GPR39: variants seen among roughly 807,000 people sequenced by gnomAD.
The protein encoded by GPR39 is zinc sensing receptor.
A neutral mutation model predicts 18.4 loss-of-function variants in GPR39; 23 were observed. That is an observed-to-expected ratio of 1.25 (90% CI 0.90 to 1.77). The LOEUF is 1.77. Among genes scored for constraint, GPR39 ranks in the 40% most tolerant of loss-of-function variants. The pLI is 0.00. For missense variants in GPR39, 647 were observed against 602.4 expected, an observed-to-expected ratio of 1.07 and a Z score of -0.78; for synonymous variants, 280 against 257.9, an observed-to-expected ratio of 1.09 and a Z score of -0.82.
At chr2:132,641,980 C>G (rs940850013) in intron 1 of GPR39, among the ~76,000 whole-genome samples, 1 of 152,224 alleles carries the variant, frequency 6.6e-6, no homozygotes, top group African/African-American at 2.4e-5. Context: ...CTAACTTTCT[C>G]TGAGCCTGCA....
chr2:132,492,549 T>C (rs1156891320), intron 1 of GPR39, among the ~76,000 whole-genome samples: 8 of 133,482 alleles, frequency 6.0e-5, no homozygotes, highest in Admixed American at 1.7e-4. Context: ...ACCATATATA[T>C]ACACCATATA....
intron 1 of GPR39, among the ~76,000 whole-genome samples, chr2:132,501,703 T>C (rs1459810560): frequency 6.6e-6 from 1 of 152,196 alleles, no homozygotes; most frequent in Non-Finnish European, 1.5e-5. Context: ...ATTGTGTTGC[T>C]ATCTATCTCA....
chr2:132,442,824 G>A (rs1167357746), intron 1 of GPR39, among the ~76,000 whole-genome samples: 2 of 151,992 alleles, frequency 1.3e-5, no homozygotes, highest in Non-Finnish European at 2.9e-5. Flanking sequence ...ACTTGCACAT[G>A]GTGACTGAGG....
intron 1 of GPR39, among the ~76,000 whole-genome samples, chr2:132,628,873 A>T (rs981477168): frequency 6.6e-6 from 1 of 152,102 alleles, no homozygotes; most frequent in African/African-American, 2.4e-5. Context: ...TTTTCAATAA[A>T]CACATATTGA....
intron 1 of GPR39, among the ~76,000 whole-genome samples, chr2:132,625,775 C>A (rs569810977): frequency 6.6e-6 from 1 of 152,130 alleles, no homozygotes; most frequent in Non-Finnish European, 1.5e-5. Flanking sequence ...AACCTTCTGA[C>A]ATTTTATGAT....
At chr2:132,539,567 C>T (rs1376492757) in intron 1 of GPR39, among the ~76,000 whole-genome samples, 6 of 152,178 alleles carry the variant, frequency 3.9e-5, no homozygotes, top group South Asian at 2.1e-4. Context: ...GTTCTGGTTG[C>T]TTAGTGCTAC....
chr2:132,578,332 T>C (rs1400966751), intron 1 of GPR39, among the ~76,000 whole-genome samples: 1 of 152,180 alleles, frequency 6.6e-6, no homozygotes, highest in Non-Finnish European at 1.5e-5. Context: ...CATTGGTTTT[T>C]AGTTATATTT....
intron 1 of GPR39, among the ~76,000 whole-genome samples, chr2:132,449,438 G>A (rs1317394826): frequency 2.0e-5 from 3 of 152,080 alleles, no homozygotes; most frequent in Admixed American, 1.3e-4. Context: ...GTAGAGACAG[G>A]GTTTCACCGT....
At chr2:132,516,380 G>A (rs571326265) in intron 1 of GPR39, among the ~76,000 whole-genome samples, 1 of 152,306 alleles carries the variant, frequency 6.6e-6, no homozygotes, top group South Asian at 2.1e-4. Context: ...CCACAATATG[G>A]AATATGCACT....
At chr2:132,446,772 T>G (rs1680545109) in intron 1 of GPR39, among the ~76,000 whole-genome samples, 2 of 151,212 alleles carry the variant, frequency 1.3e-5, no homozygotes, top group East Asian at 3.9e-4. Flanking sequence ...TGGAGTGGAG[T>G]AGAGAGCAGG....
At chr2:132,559,544 C>T (rs188494508) in intron 1 of GPR39, among the ~76,000 whole-genome samples, 14 of 152,108 alleles carry the variant, frequency 9.2e-5, no homozygotes, top group African/African-American at 2.9e-4. Flanking sequence ...AACAGCGTGG[C>T]GCCCTGATGA....
intron 1 of GPR39, among the ~76,000 whole-genome samples, chr2:132,571,140 T>G (rs748146761): frequency 2.0e-5 from 3 of 152,228 alleles, no homozygotes; most frequent in Non-Finnish European, 4.4e-5. Flanking sequence ...ACCAGGTCCC[T>G]GGTTTAGTTT....
At chr2:132,443,042 C>T (rs577112941) in intron 1 of GPR39, among the ~76,000 whole-genome samples, 1 of 152,088 alleles carries the variant, frequency 6.6e-6, no homozygotes, top group East Asian at 1.9e-4. Flanking sequence ...GGAATATATT[C>T]AGTATAGTTA....
rs1028660239 is a variant in GPR39, at chr2:132,468,821, G to A, written c.856+50923G>A. Among the ~76,000 whole-genome samples, 53 of 152,290 alleles carry A rather than the reference G, an allele frequency of 3.5e-4. 1 individual carries two copies. Among genetic ancestry groups the A allele is most frequent in the Middle Eastern group, 6.8e-3 (2 of 294 alleles). ...GGTAGTGGCGATGGGCCTGGAAAAA[G>A]GGGACAGATGAGAGAGAGGAGGCAG... is the stretch of plus-strand genomic sequence containing the variant. On this transcript the variant is annotated intron_variant, in intron 1 of 1. Coordinates refer to ENST00000329321, the MANE Select transcript of GPR39 (RefSeq NM_001508.3).
At chr2:132,582,861 A>G (rs902295276) in intron 1 of GPR39, among the ~76,000 whole-genome samples, 3 of 152,064 alleles carry the variant, frequency 2.0e-5, no homozygotes, top group African/African-American at 7.2e-5. Flanking sequence ...AGTGATTCAC[A>G]ACAAGCATTG....
chr2:132,467,417 G>C (rs1221228865), intron 1 of GPR39, among the ~76,000 whole-genome samples: 2 of 152,142 alleles, frequency 1.3e-5, no homozygotes, highest in Non-Finnish European at 2.9e-5. Flanking sequence ...TAGAGAGGGA[G>C]GGTCAGAGCA....
At chr2:132,438,046 A>G (rs1335428595) in intron 1 of GPR39, among the ~76,000 whole-genome samples, 3 of 152,254 alleles carry the variant, frequency 2.0e-5, no homozygotes, top group Admixed American at 6.5e-5. Flanking sequence ...GGCAACAGCC[A>G]TAAACATTGG....
chr2:132,426,962 C>G (rs551384658), intron 1 of GPR39, among the ~76,000 whole-genome samples: 3 of 152,024 alleles, frequency 2.0e-5, no homozygotes, highest in East Asian at 3.9e-4. Flanking sequence ...AGAGAAGCCA[C>G]TCTCTTTCTT....
At chr2:132,451,994 GT>G (rs1680639669) in intron 1 of GPR39, among the ~76,000 whole-genome samples, 1 of 151,002 alleles carries the variant, frequency 6.6e-6, no homozygotes, top group African/African-American at 2.4e-5. Context: ...GTCTTGAATT[GT>G]TGTAAGTTCA....
Sources: allele counts gnomAD v4.1 joint callset (sites outside exome capture counted in the v4.1 genomes callset), GRCh38; gene constraint gnomAD v4.1.1; transcripts MANE v1.5; gene names NCBI Gene and HGNC (gene_info 2026-07-23, HGNC 2026-07-21).